Variants in ESRP2 observed in about 807,000 individuals in gnomAD.
ESRP2 encodes the protein RNA binding motif protein 35A.
ESRP2 carries 48 observed loss-of-function variants against 78.6 expected under a neutral mutation model. The ratio of observed to expected loss-of-function variants is 0.61; its 90% CI spans 0.48 to 0.78. The LOEUF is 0.78. Among genes scored for constraint, ESRP2 ranks in the 30% least tolerant of loss-of-function variants. The pLI is 0.00. For missense variants in ESRP2, 863 were observed against 965.9 expected (o/e 0.89, Z 1.41); for synonymous variants, 383 against 406.7 (o/e 0.94, Z 0.70).
rs1180317709 is a variant in ESRP2 at position 68,235,979 on chromosome 16, G to A, written c.67C>T (p.Pro23Ser). 6.3e-7 allele frequency: 1 copy of A among 1,593,744 alleles called. No individual in the cohort carries two copies. Among genetic ancestry groups the A allele is most frequent in the Non-Finnish European group, 8.5e-7 (1 of 1,172,292 alleles). ...PDPAADPAAD[P>S]CPWPGSLVVL... Reference sequence around the variant, plus strand: ...ACCAGTGATCCGGGCCAGGGGCAGGGGTCCGCGGCGGGGTCGGCCGCGGGG... The same window carrying A: ...ACCAGTGATCCGGGCCAGGGGCAGGAGTCCGCGGCGGGGTCGGCCGCGGGG... The change falls in exon 1 of 15, where the codon CCC (proline) becomes TCC (serine). Residue 23 changes from proline (P) to serine (S), a missense_variant. Physicochemically the swap from Pro to Ser is moderately conservative, Grantham distance 74. Coordinates refer to ENST00000473183, the MANE Select transcript of ESRP2 (RefSeq NM_024939.3). The surrounding 1 kb of genome is among the most constrained non-coding windows in gnomAD (Gnocchi z 5.5).
Position 68,232,687 on chromosome 16 carries a change from G to T in ESRP2, c.711C>A (p.Cys237Ter), listed in dbSNP as rs1439491631. 6.2e-7 allele frequency: 1 copy of T among 1,614,204 alleles called. No individual in the cohort carries two copies. Among genetic ancestry groups the T allele is most frequent in the Non-Finnish European group, 8.5e-7 (1 of 1,180,032 alleles). ...VIKQKYETGP[C>*]SKADVVDSET... Reference sequence around the variant, plus strand: ...CACTGTCCACCACATCAGCCTTGCTGCTGTAGGGGCAGGGCACAGTGCTGT... The same window carrying T: ...CACTGTCCACCACATCAGCCTTGCTTCTGTAGGGGCAGGGCACAGTGCTGT... Residue 237 changes from cysteine (C) to a stop codon, truncating the protein, a stop_gained and splice_region_variant, in exon 7 of 15, where the codon TGC becomes TGA. Transcript: ENST00000473183. LOFTEE classifies it high-confidence loss of function. The surrounding 1 kb of genome is among the most constrained non-coding windows in gnomAD (Gnocchi z 5.2).
intron 5 of ESRP2, 90 bp downstream of exon 5, chr16:68,233,237 C>CGT: frequency 1.1e-6 from 1 of 877,022 alleles, no homozygotes; most frequent in Non-Finnish European, 1.9e-6. Flanking sequence ...AGGATTCCCC[C>CGT]GTGGTCTCTT....
At chr16:68,234,463 C>A in intron 2 of ESRP2, 1 of 191,328 alleles carries the variant, frequency 5.2e-6, no homozygotes, top group East Asian at 1.5e-4. Context: ...TGTCTTTGAC[C>A]GGGTACCACC....
intron 4 of ESRP2, 91 bp downstream of exon 4, chr16:68,233,677 G>A (rs1401434297): frequency 2.1e-6 from 2 of 930,298 alleles, no homozygotes; most frequent in South Asian, 2.8e-5. Context: ...AGTCTTGTAT[G>A]TGTCCATATT....
At chr16:68,234,128 G>C in intron 2 of ESRP2, 21 bp from the exon 3 acceptor site, 1 of 1,562,904 alleles carries the variant, frequency 6.4e-7, no homozygotes, top group Non-Finnish European at 8.7e-7. Flanking sequence ...GGAATGGGGA[G>C]AGAGAAACAC....
At position 68,230,181 on chromosome 16, in the gene ESRP2, G is replaced by A; in HGVS notation, c.*45C>T. On this transcript the variant is annotated 3_prime_UTR_variant, in exon 15 of 15. Coordinates refer to ENST00000473183, the MANE Select transcript of ESRP2 (RefSeq NM_024939.3). ...GGTCTTCTGGACTCAGGAGAGACATGTTCGCCGAGGATATCAGCTGGCTCT... is the reference window on the plus strand; with the variant it reads ...GGTCTTCTGGACTCAGGAGAGACATATTCGCCGAGGATATCAGCTGGCTCT... 1 of 1,573,032 alleles carries A rather than the reference G, an allele frequency of 6.4e-7. No homozygotes were observed. Among genetic ancestry groups the A allele is most frequent in the Non-Finnish European group, 8.8e-7 (1 of 1,142,782 alleles).
chr16:68,230,555 C>T lies in ESRP2; in HGVS notation c.1899-1G>A, dbSNP rs1314088603. On this transcript the variant is annotated splice_acceptor_variant, in intron 13 of 14. Coordinates refer to ENST00000473183, the MANE Select transcript of ESRP2 (RefSeq NM_024939.3). LOFTEE classifies it high-confidence loss of function. ...CACAGTGGTGGGGGAGACTGGGGGG[C>T]TAGGGTGGGAGAGACAAGGTTTAGT... is the stretch of plus-strand genomic sequence containing the variant. The T allele has an allele frequency of 6.4e-7, 1 of 1,559,672 alleles. No individual in the cohort carries two copies. Among genetic ancestry groups the T allele is most frequent in the South Asian group, 1.2e-5 (1 of 82,536 alleles).
At chr16:68,234,140 C>A (rs1296818011) in intron 2 of ESRP2, 33 bp from the exon 3 acceptor site, 6 of 1,513,954 alleles carry the variant, frequency 4.0e-6, no homozygotes, top group Non-Finnish European at 5.4e-6. Flanking sequence ...GAGAAACACA[C>A]AGATTCACAG....
Position 68,230,514 on chromosome 16 carries a change from G to C in ESRP2, c.1939C>G (p.Pro647Ala), listed in dbSNP as rs775513480. The change falls in exon 14 of 15, where the codon CCC becomes GCC. Residue 647 changes from proline to alanine, a missense_variant. Pro to Ala is a conservative substitution (Grantham distance 27). Coordinates refer to ENST00000473183, the MANE Select transcript of ESRP2 (RefSeq NM_024939.3). ...SPTTVGYLTT[P>A]TAALASAPTS... The stretch of plus-strand genomic sequence containing the variant: ...GGAGCAGAGGCCAGGGCAGCAGTGG[G>C]TGTAGTGAGGTAGCCCACAGTGGTG... The C allele has an allele frequency of 6.2e-7, 1 of 1,600,164 alleles. No individual in the cohort carries two copies. Among genetic ancestry groups the C allele is most frequent in the African/African-American group, 1.3e-5 (1 of 74,696 alleles).
rs1194703637 is a variant in ESRP2 at position 68,232,796 on chromosome 16, G to C, written c.675C>G (p.Pro225=). Residue 225 remains proline, a synonymous_variant, in exon 6 of 15, where the codon CCC becomes CCG. Transcript: ENST00000473183. This position sits in a 1 kb window ranked among gnomAD's most constrained non-coding sequence, Gnocchi z 5.2. Reference sequence around the variant, plus strand: ...TCTCGTATTTCTGCTTTATCACCTCGGGCTTCGAAAACAATTGACCTGAGA... The same window carrying C: ...TCTCGTATTTCTGCTTTATCACCTCCGGCTTCGAAAACAATTGACCTGAGA... ...KEPSSQLFSK[P]EVIKQKYETG... 2 of 1,614,142 alleles carry C rather than the reference G, an allele frequency of 1.2e-6. No homozygotes were observed. The highest frequency in any genetic ancestry group is 1.7e-6 in the Non-Finnish European group (2 of 1,180,038).
At position 68,235,794 on chromosome 16, in the gene ESRP2, G is replaced by T. The variant is rs1172476949; in HGVS notation, c.199-32C>A. ...GCGGCGGGGGAAACCGATCAGCCGC[G>T]CCCCTCGACCCCGGAAGCTCCCTGG... On this transcript the variant is annotated intron_variant, in intron 1 of 14. Coordinates refer to ENST00000473183, the MANE Select transcript of ESRP2 (RefSeq NM_024939.3). The surrounding 1 kb of genome is among the most constrained non-coding windows in gnomAD (Gnocchi z 5.5). 1.2e-6 allele frequency: 2 copies of T among 1,609,854 alleles called. No homozygotes were observed. The highest frequency in any genetic ancestry group is 1.7e-5 in the Admixed American group (1 of 59,852).
intron 5 of ESRP2, chr16:68,233,107 G>A: frequency 1.6e-6 from 1 of 609,856 alleles, no homozygotes; most frequent in Non-Finnish European, 2.9e-6. Context: ...GCTTAGACAG[G>A]AGAATCGCTT....
intron 3 of ESRP2, 36 bp downstream of exon 3, chr16:68,233,958 C>T (rs754769629): frequency 2.5e-6 from 4 of 1,606,040 alleles, no homozygotes; most frequent in Non-Finnish European, 3.4e-6. Context: ...CCTTACTGAC[C>T]ACCCCACCCC....
chr16:68,231,917 G>T lies in ESRP2; in HGVS notation c.1184C>A (p.Ala395Asp). The T allele has an allele frequency of 1.2e-6, 2 of 1,614,060 alleles. No homozygotes were observed. The highest frequency in any genetic ancestry group is 1.7e-6 in the Non-Finnish European group (2 of 1,180,024). ...RHPDGRPTGD[A>D]FALFACEELA... is the part of the protein sequence containing the mutation. ...CTCCTCACAAGCAAAGAGGGCGAAG[G>T]CATCACCAGTCGGCCGGCCATCAGG... The change falls in exon 10 of 15, where the codon GCC (alanine) becomes GAC (aspartate). Residue 395 changes from alanine (A) to aspartate (D), a missense_variant. Ala to Asp is a moderately radical substitution (Grantham distance 126). Coordinates refer to ENST00000473183, the MANE Select transcript of ESRP2 (RefSeq NM_024939.3). This position sits in a 1 kb window ranked among gnomAD's most constrained non-coding sequence, Gnocchi z 6.0.
In ESRP2 at chr16:68,235,600, T is replaced by A; in HGVS notation, c.327+34A>T. 1.3e-6 allele frequency: 2 copies of A among 1,595,424 alleles called. No individual in the cohort carries two copies. The highest frequency in any genetic ancestry group is 1.7e-6 in the Non-Finnish European group (2 of 1,178,774). ...AATCCCGCCCAGAAATGTCCTCACG[T>A]CCAGGCCATGCCGCCACCCACCCCG... On this transcript the variant is annotated intron_variant, in intron 2 of 14. Transcript: ENST00000473183. This position sits in a 1 kb window ranked among gnomAD's most constrained non-coding sequence, Gnocchi z 5.5.
chr16:68,232,521 T>C lies in ESRP2; in HGVS notation c.822-18A>G. 6.2e-7 allele frequency: 1 copy of C among 1,614,098 alleles called. No homozygotes were observed. Reference sequence around the variant, plus strand: ...CACCACCCCTGTGGAGCCAGTGCTGTTAGTGCCTCCTGGGTAGGCCTGTCC... The same window carrying C: ...CACCACCCCTGTGGAGCCAGTGCTGCTAGTGCCTCCTGGGTAGGCCTGTCC... On this transcript the variant is annotated intron_variant, in intron 7 of 14. Coordinates refer to ENST00000473183, the MANE Select transcript of ESRP2 (RefSeq NM_024939.3). The surrounding 1 kb of genome is among the most constrained non-coding windows in gnomAD (Gnocchi z 5.2).
chr16:68,229,979 C>T lies in ESRP2; in HGVS notation c.*247G>A. On this transcript the variant is annotated 3_prime_UTR_variant, in exon 15 of 15. Transcript: ENST00000473183. ...CAGGTGCCAGTCAAGATGCCTGGCT[C>T]AGGCCATCAGGAGCTGGTTAGCCCC... The T allele has an allele frequency of 1.8e-6, 1 of 550,026 alleles. No individual in the cohort carries two copies. The allele number at this position is 550,026 out of a possible 1,614,324, so 34.1% of individuals were successfully genotyped here.
chr16:68,233,194 C>T, intron 5 of ESRP2, 133 bp downstream of exon 5: 1 of 621,396 alleles, frequency 1.6e-6, no homozygotes, highest in South Asian at 2.0e-5. Flanking sequence ...GGGAGACTGT[C>T]TCAAAAAAAA....
At position 68,232,058 on chromosome 16, in the gene ESRP2, A is replaced by G. The variant is rs1386190729; in HGVS notation, c.1043T>C (p.Val348Ala). 2 of 1,613,794 alleles carry G rather than the reference A, an allele frequency of 1.2e-6. No individual in the cohort carries two copies. Among genetic ancestry groups the G allele is most frequent in the African/African-American group, 1.3e-5 (1 of 74,882 alleles). Residue 348 changes from valine (V) to alanine (A), a missense_variant, in exon 10 of 15, where the codon GTG (valine) becomes GCG (alanine). Coordinates refer to ENST00000473183, the MANE Select transcript of ESRP2 (RefSeq NM_024939.3). This position sits in a 1 kb window ranked among gnomAD's most constrained non-coding sequence, Gnocchi z 5.2. ...VARFLSREDQ[V>A]ILRLRGLPFS... The stretch of plus-strand genomic sequence containing the variant: ...GGGCAGTCCCCGCAGCCGCAGGATC[A>G]CTTGGTCTTCCCGTGACAAGAAACG...
Sources: gnomAD v4.1 joint callset for allele counts on GRCh38, gnomAD v4.1.1 for gene constraint, Gnocchi (gnomAD v3.1) non-coding constraint, MANE v1.5 for transcripts, NCBI Gene and HGNC (gene_info 2026-07-23, HGNC 2026-07-21) for gene names.